The following DLG5 variants were observed in gnomAD, a reference collection of about 807,000 sequenced individuals.
DLG5 encodes disks large homolog 5.
DLG5 carries 48 observed loss-of-function variants against 189.8 expected under a neutral mutation model. That is an observed-to-expected ratio of 0.25 (90% CI 0.20 to 0.32). The LOEUF (loss-of-function observed/expected upper bound fraction) is 0.32. DLG5 is among the 10% of genes least tolerant of loss of function. The pLI, the probability that DLG5 is intolerant of heterozygous loss-of-function variation, is 1.00. For missense variants in DLG5, 2,160 were observed against 2,544.7 expected (o/e 0.85, Z 3.25); for synonymous variants, 1,016 against 1,054.1 (o/e 0.96, Z 0.70).
At position 77,796,302 on chromosome 10, in the gene DLG5, T is replaced by C; in HGVS notation, c.5309-114A>G. On this transcript the variant is annotated intron_variant, in intron 28 of 31. Transcript: ENST00000372391. This position sits in a 1 kb window ranked among gnomAD's most constrained non-coding sequence, Gnocchi z 5.2. ...GTCAGTAACCCAGTCCTGCCATGCA[T>C]GAATCTGACCCATGTCAGCAGGCTT... 1.9e-6 allele frequency: 3 copies of C among 1,590,702 alleles called. No homozygotes were observed. Among genetic ancestry groups the C allele is most frequent in the Non-Finnish European group, 2.6e-6 (3 of 1,164,974 alleles).
intron 24 of DLG5, among the ~76,000 whole-genome samples, chr10:77,809,009 G>GA (rs1841618500): frequency 6.6e-6 from 1 of 151,996 alleles, no homozygotes; most frequent in Non-Finnish European, 1.5e-5. Flanking sequence ...TGAGGCAGGA[G>GA]AATCGCTTGA....
chr10:77,821,121 C>A lies in DLG5; in HGVS notation c.3363G>T (p.Pro1121=), dbSNP rs145478098. The A allele has an allele frequency of 6.2e-7, 1 of 1,613,948 alleles. No individual in the cohort carries two copies. Among genetic ancestry groups the A allele is most frequent in the Non-Finnish European group, 8.5e-7 (1 of 1,179,986 alleles). ...CAGGAATCACTACTGGAGCAAGCTT[C>A]GGCCGAAAACTGGGAGCAGATTTTG... is the stretch of plus-strand genomic sequence containing the variant. The part of the protein sequence containing the change: ...RRPKSAPSFR[P]KLAPVVIPAQ... Residue 1121 remains proline (P), a synonymous_variant, in exon 15 of 32, where the codon CCG becomes CCT. Transcript: ENST00000372391.
At chr10:77,821,035 G>T in intron 15 of DLG5, 47 bp downstream of exon 15, 1 of 1,548,486 alleles carries the variant, frequency 6.5e-7, no homozygotes, top group South Asian at 1.2e-5. Flanking sequence ...TCGGCCAACT[G>T]CCCCTCTCTA....
At chr10:77,797,345 C>A (rs1422145532) in intron 27 of DLG5, among the ~76,000 whole-genome samples, 10 of 152,196 alleles carry the variant, frequency 6.6e-5, no homozygotes, top group Admixed American at 6.5e-4. Flanking sequence ...ATCTTCCTGG[C>A]GTCTCCCTGG....
intron 8 of DLG5, among the ~76,000 whole-genome samples, chr10:77,835,128 G>A (rs143175542): frequency 1.3e-4 from 19 of 151,900 alleles, no homozygotes; most frequent in African/African-American, 2.4e-4. Context: ...ACTTGCCCAC[G>A]TCCCTGCCCT....
chr10:77,897,688 G>C (rs1845803884), intron 1 of DLG5, among the ~76,000 whole-genome samples: 3 of 151,010 alleles, frequency 2.0e-5, no homozygotes, highest in Admixed American at 6.6e-5. Flanking sequence ...GAGAAGGAGA[G>C]GGGGAGGGGG....
Position 77,921,585 on chromosome 10 carries a change from T to C in DLG5, c.304+4632A>G, listed in dbSNP as rs942397448. On this transcript the variant is annotated intron_variant, in intron 1 of 31. Transcript: ENST00000372391. ...CCACCCAGAGCCAAGGCCAAACCCC[T>C]GCTCTGCTCAGGCTGGGTAAACACA... 2.0e-5 allele frequency among the ~76,000 whole-genome samples: 3 copies of C among 152,166 alleles called. No individual in the cohort carries two copies. In the South Asian group the frequency reaches 6.2e-4, roughly 32 times the overall value.
intron 1 of DLG5, among the ~76,000 whole-genome samples, chr10:77,924,013 C>A (rs1027724702): frequency 6.6e-6 from 1 of 151,994 alleles, no homozygotes; most frequent in Non-Finnish European, 1.5e-5. Flanking sequence ...TACAGGCGCC[C>A]ACAACCACGC....
chr10:77,939,577 C>T, the DLG5 span, among the ~76,000 whole-genome samples: 2 of 152,210 alleles, frequency 1.3e-5, no homozygotes, highest in Admixed American at 1.3e-4. Context: ...TCAGCCTGCT[C>T]AGGATCATGA....
intron 14 of DLG5, 35 bp from the exon 15 acceptor site, chr10:77,822,136 T>G: frequency 6.3e-7 from 1 of 1,577,636 alleles, no homozygotes; most frequent in Non-Finnish European, 8.6e-7. Context: ...AGAGAGAGAG[T>G]GAGATGGCAG....
intron 5 of DLG5, among the ~76,000 whole-genome samples, chr10:77,851,885 A>G (rs184525468): frequency 6.6e-6 from 1 of 152,320 alleles, no homozygotes; most frequent in East Asian, 1.9e-4. Flanking sequence ...AGGTCGCCCC[A>G]GAGGGGATAT....
intron 1 of DLG5, among the ~76,000 whole-genome samples, chr10:77,886,342 G>A (rs574110109): frequency 6.6e-6 from 1 of 150,908 alleles, no homozygotes; most frequent in East Asian, 2.0e-4. Flanking sequence ...CCCCCTTAGG[G>A]TACCGTTGTC....
At chr10:77,905,557 C>G (rs1433828445) in intron 1 of DLG5, among the ~76,000 whole-genome samples, 1 of 152,180 alleles carries the variant, frequency 6.6e-6, no homozygotes, top group Non-Finnish European at 1.5e-5. Context: ...TATCACATGA[C>G]CTGAAGTTGT....
At position 77,854,235 on chromosome 10, in the gene DLG5, G is replaced by A. The variant is rs1479335533; in HGVS notation, c.672C>T (p.Asp224=). Residue 224 remains aspartate, a synonymous_variant, in exon 4 of 32, where the codon GAC becomes GAT. Transcript: ENST00000372391. ...AAGCAGGCCTCACTCACTGGTAGAA[G>A]TCAGTCTCCTTGGCCACCTCCTCAC... ...KRCEEVAKET[D]FYHTLHSRLL... 6.2e-7 allele frequency: 1 copy of A among 1,614,106 alleles called. No individual in the cohort carries two copies.
intron 5 of DLG5, among the ~76,000 whole-genome samples, chr10:77,851,859 G>C (rs1485407737): frequency 6.6e-6 from 1 of 152,064 alleles, no homozygotes; most frequent in East Asian, 1.9e-4. Context: ...AGCAAGACAA[G>C]GACCTACACT....
intron 1 of DLG5, among the ~76,000 whole-genome samples, chr10:77,916,577 C>T (rs1306196346): frequency 6.6e-6 from 1 of 152,100 alleles, no homozygotes; most frequent in African/African-American, 2.4e-5. Context: ...CAGGCATGAG[C>T]CACCACGCCC....
chr10:77,861,138 T>C (rs557742010), intron 2 of DLG5, among the ~76,000 whole-genome samples: 34 of 152,212 alleles, frequency 2.2e-4, no homozygotes, highest in Admixed American at 6.5e-5. Flanking sequence ...ATGGAATCTT[T>C]AGAAAACTAG....
intron 1 of DLG5, among the ~76,000 whole-genome samples, chr10:77,883,853 G>A (rs191543846): frequency 6.6e-6 from 1 of 152,066 alleles, no homozygotes; most frequent in East Asian, 1.9e-4. Flanking sequence ...CCTGCCACCA[G>A]AAGTTGGCTA....
At chr10:77,934,947 T>C in the DLG5 span, among the ~76,000 whole-genome samples, 1 of 149,942 alleles carries the variant, frequency 6.7e-6, no homozygotes, top group Non-Finnish European at 1.5e-5. Context: ...AAGCTCCGCC[T>C]CCCTGGCTCA....
Sources: allele counts gnomAD v4.1 joint callset (sites outside exome capture counted in the v4.1 genomes callset), GRCh38; gene constraint gnomAD v4.1.1; non-coding constraint Gnocchi (gnomAD v3.1); transcripts MANE v1.5; gene names NCBI Gene and HGNC (gene_info 2026-07-23, HGNC 2026-07-21).